PDZD8: variants seen among roughly 807,000 people sequenced by gnomAD.
The protein encoded by PDZD8 is PDZ domain containing 8.
In PDZD8, 14 loss-of-function variants were observed where a neutral mutation model predicts 85.8. The ratio of observed to expected loss-of-function variants is 0.16; its 90% confidence interval spans 0.11 to 0.26. The LOEUF (loss-of-function observed/expected upper bound fraction) is 0.26, where lower values mean the gene tolerates loss of function less well. PDZD8 is among the 10% of genes least tolerant of loss of function. The pLI is 1.00. For synonymous variants in PDZD8, 592 were observed against 568.6 expected, an observed-to-expected ratio of 1.04 and a Z score of -0.59; for missense variants, 1,197 against 1,424.3, an observed-to-expected ratio of 0.84 and a Z score of 2.57.
intron 4 of PDZD8, chr10:117,285,714 C>T: frequency 8.5e-7 from 1 of 1,178,788 alleles, no homozygotes; most frequent in Non-Finnish European, 1.1e-6. Context: ...CAGATGATGA[C>T]ACAGGATCCC....
intron 2 of PDZD8, among the ~76,000 whole-genome samples, chr10:117,333,130 A>AAAAAAC (rs1564703023): frequency 4.7e-5 from 7 of 149,038 alleles, no homozygotes; most frequent in African/African-American, 1.5e-4. Context: ...AAAAAAAAAA[A>AAAAAAC]AAAAAAAAAA....
At chr10:117,343,923 C>T (rs1844659881) in intron 1 of PDZD8, among the ~76,000 whole-genome samples, 1 of 152,168 alleles carries the variant, frequency 6.6e-6, no homozygotes, top group Admixed American at 6.5e-5. Flanking sequence ...GTATCCCAAA[C>T]CCATAAAGAA....
chr10:117,351,298 T>A (rs1844801883), intron 1 of PDZD8, among the ~76,000 whole-genome samples: 1 of 152,126 alleles, frequency 6.6e-6, no homozygotes. Flanking sequence ...AGTGGAATAC[T>A]CCACAGCAAA....
chr10:117,324,386 G>A lies in PDZD8; in HGVS notation c.996-5412C>T, dbSNP rs1190710935. On this transcript the variant is annotated intron_variant, in intron 2 of 4. Transcript: ENST00000334464. ...CTAATAGTTATCAGTCATGATTTTT[G>A]GTTATTATGTTAAATGTTACAATGC... 2.0e-5 allele frequency among the ~76,000 whole-genome samples: 3 copies of A among 150,658 alleles called. No individual in the cohort carries two copies. The East Asian group carries it at 5.8e-4, about 29-fold the overall frequency.
In PDZD8 at chr10:117,315,855, T is replaced by C. The variant is rs7923795; in HGVS notation, c.1098+3017A>G. On this transcript the variant is annotated intron_variant, in intron 3 of 4. Coordinates refer to ENST00000334464, the MANE Select transcript of PDZD8 (RefSeq NM_173791.5). ...GCACTATACATTCCACAGATATTTA[T>C]AGATATTTTTATAGTTTATTACTAA... 9.1e-3 allele frequency among the ~76,000 whole-genome samples: 1,390 copies of C among 152,276 alleles called. 20 individuals carry two copies. The highest frequency in any genetic ancestry group is 0.032 in the African/African-American group (1,326 of 41,552).
At chr10:117,344,570 G>A (rs1844671708) in intron 1 of PDZD8, among the ~76,000 whole-genome samples, 1 of 152,032 alleles carries the variant, frequency 6.6e-6, no homozygotes, top group South Asian at 2.1e-4. Context: ...TGTATTTTTA[G>A]TAGAGATGGG....
At chr10:117,303,448 A>C (rs1843881746) in intron 3 of PDZD8, among the ~76,000 whole-genome samples, 1 of 152,212 alleles carries the variant, frequency 6.6e-6, no homozygotes, top group Non-Finnish European at 1.5e-5. Context: ...ACAGAGCATA[A>C]AAGTTTGGAA....
intron 3 of PDZD8, among the ~76,000 whole-genome samples, chr10:117,305,453 CACATAT>C (rs770771646): frequency 3.5e-4 from 50 of 141,570 alleles, no homozygotes; most frequent in Non-Finnish European, 5.3e-4. Context: ...CACACACACA[CACATAT>C]ATACACACAC....
At chr10:117,311,875 C>T (rs546494634) in intron 3 of PDZD8, among the ~76,000 whole-genome samples, 14 of 151,274 alleles carry the variant, frequency 9.3e-5, no homozygotes, top group Non-Finnish European at 1.8e-4. Flanking sequence ...CCAGAGGCTA[C>T]AGTATCAAGC....
chr10:117,367,866 G>A (rs980418327), intron 1 of PDZD8, among the ~76,000 whole-genome samples: 8 of 151,944 alleles, frequency 5.3e-5, no homozygotes, highest in Non-Finnish European at 1.2e-4. Flanking sequence ...GTTGCAGTGA[G>A]CCGAGATCAT....
rs1844595226 is a variant in PDZD8 at position 117,283,141 on chromosome 10, T to A, written c.*127A>T. The A allele has an allele frequency of 1.1e-6, 1 of 933,286 alleles. No individual in the cohort carries two copies. The highest frequency in any genetic ancestry group is 2.9e-5 in the Admixed American group (1 of 34,660). 57.8% of individuals were successfully genotyped at this position (933,286 alleles called of 1,614,324 possible). A position where few individuals can be genotyped will look rare whatever the true frequency, so the allele number is the denominator to read the frequency against. ...TGGAAAACAACCTTTCTCATTTTTG[T>A]TCTTACACAAGCAAGTAACTGGAGA... On this transcript the variant is annotated 3_prime_UTR_variant, in exon 5 of 5. Transcript: ENST00000334464.
chr10:117,313,027 C>T (rs1844064703), intron 3 of PDZD8, among the ~76,000 whole-genome samples: 1 of 152,186 alleles, frequency 6.6e-6, no homozygotes, highest in Admixed American at 6.6e-5. Context: ...TCCTAGATCT[C>T]ATATTTTAAA....
intron 1 of PDZD8, among the ~76,000 whole-genome samples, chr10:117,361,862 A>C (rs11197965): frequency 0.028 from 4,253 of 152,252 alleles, 220 homozygotes; most frequent in African/African-American, 0.099. Context: ...TATAGCATTT[A>C]CATTGTATTA....
At chr10:117,318,013 AAC>A (rs1844159331) in intron 3 of PDZD8, among the ~76,000 whole-genome samples, 1 of 152,212 alleles carries the variant, frequency 6.6e-6, no homozygotes, top group African/African-American at 2.4e-5. Context: ...AGATGTTCAC[AAC>A]AGTTAATACA....
In PDZD8 at chr10:117,375,183, G is replaced by T; in HGVS notation, c.45C>A (p.Ser15=). 6.3e-7 allele frequency: 1 copy of T among 1,576,098 alleles called. No homozygotes were observed. The change falls in exon 1 of 5, where the codon TCC becomes TCA. Residue 15 remains serine (S), a synonymous_variant. Coordinates refer to ENST00000334464, the MANE Select transcript of PDZD8 (RefSeq NM_173791.5). Reference sequence around the variant, plus strand: ...AGAACTGGGCGAGGAGCGTGAGGAAGGAACCCAGCACGGCCGACGCCAGGA... The same window carrying T: ...AGAACTGGGCGAGGAGCGTGAGGAATGAACCCAGCACGGCCGACGCCAGGA... ...LMILASAVLG[S]FLTLLAQFFL... is the part of the protein sequence containing the mutation.
Position 117,282,331 on chromosome 10 carries a change from A to G in PDZD8, c.*937T>C, listed in dbSNP as rs1472508271. 4.6e-5 allele frequency: 7 copies of G among 152,164 alleles called. No individual in the cohort carries two copies. The highest frequency in any genetic ancestry group is 1.0e-4 in the Non-Finnish European group (7 of 68,016). 9.4% of individuals were successfully genotyped at this position (152,164 alleles called of 1,614,324 possible). A position where few individuals can be genotyped will look rare whatever the true frequency, so the allele number is the denominator to read the frequency against. ...TACCCTTTCACATGCTTTATTTCCT[A>G]TGGGAGAACTGATGAGGAAAATTAT... On this transcript the variant is annotated 3_prime_UTR_variant, in exon 5 of 5. Transcript: ENST00000334464.
intron 3 of PDZD8, among the ~76,000 whole-genome samples, chr10:117,291,495 C>G (rs1432988198): frequency 5.4e-5 from 8 of 149,096 alleles, no homozygotes; most frequent in Admixed American, 2.7e-4. Flanking sequence ...CACCACTGCA[C>G]TCCAGCCCGG....
Position 117,279,082 on chromosome 10 carries a change from C to T in PDZD8, c.*4186G>A, listed in dbSNP as rs2133752453. ...GCAAGAAGGCCTGGCAAAGGTATGC[C>T]TGCTGTTGGTCCCTCGGGATAAGAT... On this transcript the variant is annotated 3_prime_UTR_variant, in exon 5 of 5. Transcript: ENST00000334464. 1 of 152,304 alleles carries T rather than the reference C, an allele frequency of 6.6e-6. No homozygotes were observed. The highest frequency in any genetic ancestry group is 2.4e-5 in the African/African-American group (1 of 41,572). The allele number at this position is 152,304 out of a possible 1,614,324, so 9.4% of individuals were successfully genotyped here.
chr10:117,334,439 G>C (rs1243460095), intron 2 of PDZD8, among the ~76,000 whole-genome samples: 1 of 152,082 alleles, frequency 6.6e-6, no homozygotes, highest in Non-Finnish European at 1.5e-5. Context: ...AGCCCAGGAG[G>C]TCAAGGCTGT....
Sources: allele counts gnomAD v4.1 joint callset (sites outside exome capture counted in the v4.1 genomes callset), GRCh38; gene constraint gnomAD v4.1.1; transcripts MANE v1.5; gene names NCBI Gene and HGNC (gene_info 2026-07-23, HGNC 2026-07-21).